The following CEP295NL variants were observed in gnomAD, a reference collection of about 807,000 sequenced individuals.
CEP295NL encodes the protein CEP295 N-terminal like, also known as protein DDC8 homolog.
Under a neutral mutation model 4.6 loss-of-function variants are expected in CEP295NL, and 3 were observed. The ratio of observed to expected loss-of-function variants is 0.65; its 90% confidence interval spans 0.30 to 1.69. The LOEUF is 1.69. Among genes scored for constraint, CEP295NL ranks in the 40% most tolerant of loss-of-function variants. CEP295NL has a pLI of 0.10. For synonymous variants in CEP295NL, 295 were observed against 312.2 expected (o/e 0.94, Z 0.58); for missense variants, 719 against 769.0 (o/e 0.93, Z 0.77).
At position 78,890,782 on chromosome 17, in the gene CEP295NL, T is replaced by A. The variant is rs1314338187; in HGVS notation, c.1722A>T (p.Pro574=). Residue 574 remains proline (P), a synonymous_variant, in exon 3 of 3, where the codon CCA becomes CCT. Transcript: ENST00000322630. The part of the protein sequence containing the change: ...ERGSELSTTS[P]SGTSLADDDR... ...CGTCGTCGGCGAGGCTGGTGCCCGA[T>A]GGGGAAGTGGTGCTGAGCTCAGATC... 2 of 1,550,602 alleles carry A rather than the reference T, an allele frequency of 1.3e-6. No individual in the cohort carries two copies. Among genetic ancestry groups the A allele is most frequent in the Non-Finnish European group, 1.7e-6 (2 of 1,147,002 alleles).
In CEP295NL at chr17:78,895,383, C is replaced by T. The variant is rs74949888; in HGVS notation, c.45-2924G>A. On this transcript the variant is annotated intron_variant, in intron 2 of 2. Coordinates refer to ENST00000322630, the MANE Select transcript of CEP295NL (RefSeq NM_001243540.2). ...ATACAGCACATAAAAACATGTTCAA[C>T]GGCAGCGGTCTTTAGAGAAATGCAC... 2.8e-3 allele frequency among the ~76,000 whole-genome samples: 424 copies of T among 152,316 alleles called. 3 individuals are homozygous for T. Among genetic ancestry groups the T allele is most frequent in the East Asian group, 8.5e-3 (44 of 5,184 alleles).
At chr17:78,902,539 G>C (rs943850966) in intron 1 of CEP295NL, 1 of 152,536 alleles carries the variant, frequency 6.6e-6, no homozygotes, top group Non-Finnish European at 1.5e-5. Flanking sequence ...GAATCTGTGT[G>C]TATCCATATC....
intron 1 of CEP295NL, 97 bp from the exon 2 acceptor site, chr17:78,902,023 C>T (rs2070101134): frequency 3.6e-6 from 2 of 558,198 alleles, no homozygotes; most frequent in Non-Finnish European, 6.4e-6. Flanking sequence ...CCCTCCATGA[C>T]ACGCTGTGTG....
Position 78,901,876 on chromosome 17 carries a change from G to A in CEP295NL, c.-48C>T. 4.4e-6 allele frequency: 3 copies of A among 676,906 alleles called. No individual in the cohort carries two copies. Among genetic ancestry groups the A allele is most frequent in the Non-Finnish European group, 8.3e-6 (3 of 362,500 alleles). The allele number at this position is 676,906 out of a possible 1,614,324, so 41.9% of individuals were successfully genotyped here. ...GGAGGGCAGGAAGCACTGTCTCCAG[G>A]GCTGTCTTGAAATCACTGGGCTGAC... is the stretch of plus-strand genomic sequence containing the variant. On this transcript the variant is annotated 5_prime_UTR_variant, in exon 2 of 3. Transcript: ENST00000322630.
In CEP295NL at chr17:78,891,800, C is replaced by A. The variant is rs2069900438; in HGVS notation, c.704G>T (p.Gly235Val). Residue 235 changes from glycine to valine, a missense_variant, in exon 3 of 3, where the codon GGT becomes GTT. Transcript: ENST00000322630. The surrounding 1 kb of genome is among the most constrained non-coding windows in gnomAD (Gnocchi z 4.5). Reference sequence around the variant, plus strand: ...CCGAGGATGGATGGCACAGCGGCCACCCCCAGACTTGGTCGAAGGTTCTGG... The same window carrying A: ...CCGAGGATGGATGGCACAGCGGCCAACCCCAGACTTGGTCGAAGGTTCTGG... Reference protein sequence around the residue: ...GRPEPSTKSGGGRCAIHPRRS... With the variant: ...GRPEPSTKSGVGRCAIHPRRS... 1.3e-6 allele frequency: 2 copies of A among 1,550,922 alleles called. No homozygotes were observed. Among genetic ancestry groups the A allele is most frequent in the African/African-American group, 1.4e-5 (1 of 73,068 alleles).
chr17:78,897,083 C>T, intron 2 of CEP295NL: 1 of 794,386 alleles, frequency 1.3e-6, no homozygotes, highest in Non-Finnish European at 1.5e-6. Flanking sequence ...AGTGCCAGGG[C>T]CCACAGACAG....
rs538459082 is a variant in CEP295NL at position 78,896,408 on chromosome 17, G to A, written c.45-3949C>T. Among the ~76,000 whole-genome samples the A allele has an allele frequency of 3.3e-5, 5 of 152,270 alleles. No individual in the cohort carries two copies. The highest frequency in any genetic ancestry group is 9.6e-5 in the African/African-American group (4 of 41,552). ...TCCAGCCCTGCCAGACAGGACGTCGGGTGCCCTTGGCAGGACACTTGCCAA... is the reference window on the plus strand; with the variant it reads ...TCCAGCCCTGCCAGACAGGACGTCGAGTGCCCTTGGCAGGACACTTGCCAA... On this transcript the variant is annotated intron_variant, in intron 2 of 2. Transcript: ENST00000322630. The surrounding 1 kb of genome is among the most constrained non-coding windows in gnomAD (Gnocchi z 4.4).
chr17:78,898,040 C>G (rs1599166700), intron 2 of CEP295NL: 1 of 152,226 alleles, frequency 6.6e-6, no homozygotes, highest in Non-Finnish European at 1.5e-5. Flanking sequence ...TCCTTGATTT[C>G]CCCTCTGAGC....
chr17:78,893,496 T>C (rs970067503), intron 2 of CEP295NL, among the ~76,000 whole-genome samples: 3 of 150,268 alleles, frequency 2.0e-5, no homozygotes, highest in Non-Finnish European at 3.0e-5. Flanking sequence ...CAGGGGTGTG[T>C]GCGCGCAGGG....
In CEP295NL at chr17:78,893,500, C is replaced by G. The variant is rs552800943; in HGVS notation, c.45-1041G>C. Among the ~76,000 whole-genome samples, 4 of 140,758 alleles carry G rather than the reference C, an allele frequency of 2.8e-5. No homozygotes were observed. In the East Asian group the frequency reaches 8.5e-4, roughly 30 times the overall value. The allele number at this position is 140,758 out of a possible 152,430, so 92.3% of individuals were successfully genotyped here. ...CGGTGTGTGTGCAGGGGTGTGTGCG[C>G]GCAGGGGTGTGTGCGTGTGCACATC... On this transcript the variant is annotated intron_variant, in intron 2 of 2. Coordinates refer to ENST00000322630, the MANE Select transcript of CEP295NL (RefSeq NM_001243540.2).
Position 78,891,082 on chromosome 17 carries a change from G to A in CEP295NL, c.1422C>T (p.Thr474=), listed in dbSNP as rs1567999489. 4 of 1,550,858 alleles carry A rather than the reference G, an allele frequency of 2.6e-6. No homozygotes were observed. The highest frequency in any genetic ancestry group is 3.5e-6 in the Non-Finnish European group (4 of 1,147,056). Residue 474 remains threonine, a synonymous_variant, in exon 3 of 3, where the codon ACC becomes ACT. Transcript: ENST00000322630. The surrounding 1 kb of genome is among the most constrained non-coding windows in gnomAD (Gnocchi z 4.5). ...LLYSTESGQE[T]PKLGTLAEGS... ...CCTCTGCCAGCGTGCCCAGTTTGGG[G>A]GTCTCTTGTCCAGATTCAGTGCTAT...
intron 2 of CEP295NL, among the ~76,000 whole-genome samples, chr17:78,900,452 G>A (rs1261194317): frequency 6.6e-6 from 1 of 151,870 alleles, no homozygotes; most frequent in Non-Finnish European, 1.5e-5. Flanking sequence ...GGCTGAGGCA[G>A]GAGAATCACT....
chr17:78,892,915 G>T (rs11077401), intron 2 of CEP295NL, among the ~76,000 whole-genome samples: 5,681 of 152,272 alleles, frequency 0.037, 132 homozygotes, highest in East Asian at 0.062. Flanking sequence ...AGGTAGGGAT[G>T]GAGGGGCACA....
At position 78,892,248 on chromosome 17, in the gene CEP295NL, G is replaced by T; in HGVS notation, c.256C>A (p.Arg86=). ...WRKKHKLLQA[R]GKGDLALQRR... ...TGCAGAGCGAGATCGCCTTTGCCCCGGGCTTGTAGCAATTTGTGCTTTTTC... is the reference window on the plus strand; with the variant it reads ...TGCAGAGCGAGATCGCCTTTGCCCCTGGCTTGTAGCAATTTGTGCTTTTTC... The change falls in exon 3 of 3, where the codon CGG becomes AGG. Residue 86 remains arginine, a synonymous_variant. Coordinates refer to ENST00000322630, the MANE Select transcript of CEP295NL (RefSeq NM_001243540.2). The T allele has an allele frequency of 6.4e-7, 1 of 1,550,848 alleles. No homozygotes were observed. Among genetic ancestry groups the T allele is most frequent in the South Asian group, 1.2e-5 (1 of 84,064 alleles).
intron 2 of CEP295NL, among the ~76,000 whole-genome samples, chr17:78,895,466 A>G (rs548794428): frequency 6.6e-6 from 1 of 152,238 alleles, no homozygotes; most frequent in African/African-American, 2.4e-5. Flanking sequence ...CGTCAAAAAG[A>G]CAGACAATAG....
chr17:78,894,738 G>T (rs2069970574), intron 2 of CEP295NL, among the ~76,000 whole-genome samples: 1 of 151,870 alleles, frequency 6.6e-6, no homozygotes, highest in African/African-American at 2.4e-5. Flanking sequence ...CTTGAGTCAG[G>T]CAAAGATTTC....
At chr17:78,902,163 G>A (rs1202873661) in intron 1 of CEP295NL, among the ~76,000 whole-genome samples, 2 of 152,198 alleles carry the variant, frequency 1.3e-5, no homozygotes, top group Non-Finnish European at 2.9e-5. Flanking sequence ...CTGGAGTGCA[G>A]TGGTGCGATC....
chr17:78,891,085 C>T lies in CEP295NL; in HGVS notation c.1419G>A (p.Glu473=), dbSNP rs1186648720. 6.4e-7 allele frequency: 1 copy of T among 1,550,920 alleles called. No homozygotes were observed. The highest frequency in any genetic ancestry group is 1.4e-5 in the African/African-American group (1 of 73,162). The change falls in exon 3 of 3, where the codon GAG becomes GAA. Residue 473 remains glutamate (E), a synonymous_variant. Coordinates refer to ENST00000322630, the MANE Select transcript of CEP295NL (RefSeq NM_001243540.2). This position sits in a 1 kb window ranked among gnomAD's most constrained non-coding sequence, Gnocchi z 4.5. Reference sequence around the variant, plus strand: ...CTGCCAGCGTGCCCAGTTTGGGGGTCTCTTGTCCAGATTCAGTGCTATACA... The same window carrying T: ...CTGCCAGCGTGCCCAGTTTGGGGGTTTCTTGTCCAGATTCAGTGCTATACA... ...SLLYSTESGQ[E]TPKLGTLAEG...
chr17:78,890,631 C>T lies in CEP295NL; in HGVS notation c.*7G>A, dbSNP rs1441326070. On this transcript the variant is annotated 3_prime_UTR_variant, in exon 3 of 3. Transcript: ENST00000322630. Reference sequence around the variant, plus strand: ...TGATGTATTTACCCCGGGTGGGCCTCTCGCATTTAGCATATGTTCTGAAAC... The same window carrying T: ...TGATGTATTTACCCCGGGTGGGCCTTTCGCATTTAGCATATGTTCTGAAAC... 1 of 1,547,450 alleles carries T rather than the reference C, an allele frequency of 6.5e-7. No individual in the cohort carries two copies. The highest frequency in any genetic ancestry group is 8.7e-7 in the Non-Finnish European group (1 of 1,144,412).
Sources: gnomAD v4.1 joint callset for allele counts (sites outside exome capture counted in the v4.1 genomes callset) on GRCh38, gnomAD v4.1.1 for gene constraint, Gnocchi (gnomAD v3.1) non-coding constraint, MANE v1.5 for transcripts, NCBI Gene and HGNC (gene_info 2026-07-23, HGNC 2026-07-21) for gene names.